Variants in RAB3IL1 observed in about 807,000 individuals in gnomAD.
The protein encoded by RAB3IL1 is RAB3A interacting protein like 1.
In RAB3IL1, 37 loss-of-function variants were observed where a neutral mutation model predicts 49.2. That is an observed-to-expected ratio of 0.75 (90% confidence interval 0.58 to 0.99). The LOEUF is 0.99. Ranked by LOEUF, RAB3IL1 falls within the 50% of genes least tolerant of loss-of-function variation. The pLI is 0.00. For missense variants in RAB3IL1, 484 were observed against 513.0 expected (o/e 0.94, Z 0.55); for synonymous variants, 193 against 213.9 (o/e 0.90, Z 0.85).
chr11:61,941,669 G>A, the RAB3IL1 span, among the ~76,000 whole-genome samples: 7 of 151,862 alleles, frequency 4.6e-5, no homozygotes, highest in South Asian at 2.1e-4. Flanking sequence ...GGAGAATGGC[G>A]TGAACCCAGG....
the RAB3IL1 span, among the ~76,000 whole-genome samples, chr11:61,945,175 A>G: frequency 1.3e-5 from 2 of 152,082 alleles, no homozygotes; most frequent in Admixed American, 1.3e-4. Context: ...CATCTAGCCT[A>G]CCCTTGTGCC....
chr11:61,916,581 C>T (rs1262081862), intron 1 of RAB3IL1, among the ~76,000 whole-genome samples: 2 of 152,336 alleles, frequency 1.3e-5, no homozygotes, highest in East Asian at 3.9e-4. Flanking sequence ...CCAGGGGGCA[C>T]AGGAGTACAA....
upstream of RAB3IL1, among the ~76,000 whole-genome samples, chr11:61,921,150 C>T (rs1193207764): frequency 6.6e-6 from 1 of 152,106 alleles, no homozygotes; most frequent in Non-Finnish European, 1.5e-5. Flanking sequence ...AGGCATGTGT[C>T]ACCATGCTTG....
Position 61,898,538 on chromosome 11 carries a change from C to G in RAB3IL1, c.1067-178G>C, listed in dbSNP as rs890484417. Among the ~76,000 whole-genome samples the G allele has an allele frequency of 6.6e-6, 1 of 152,184 alleles. No individual in the cohort carries two copies. The highest frequency in any genetic ancestry group is 2.4e-5 in the African/African-American group (1 of 41,440). ...ACCTCTCTGAGGCTCCACTCTTGAG[C>G]CTTGGAAACTGCTGAGTGCCGACCA... On this transcript the variant is annotated intron_variant, in intron 9 of 9. Coordinates refer to ENST00000394836, the MANE Select transcript of RAB3IL1 (RefSeq NM_013401.4). The surrounding 1 kb of genome is among the most constrained non-coding windows in gnomAD (Gnocchi z 5.1).
the RAB3IL1 span, among the ~76,000 whole-genome samples, chr11:61,936,576 A>G: frequency 2.1e-3 from 326 of 152,322 alleles, no homozygotes; most frequent in Middle Eastern, 6.8e-3. Flanking sequence ...TCCTTACCTT[A>G]AGTGATCCAC....
chr11:61,934,420 A>ATGTGTGTG, the RAB3IL1 span, among the ~76,000 whole-genome samples: 2 of 61,828 alleles, frequency 3.2e-5, no homozygotes, highest in South Asian at 3.6e-4. Flanking sequence ...ATACATATAT[A>ATGTGTGTG]TGTGTATGTG....
At chr11:61,931,336 AACTC>A in the RAB3IL1 span, among the ~76,000 whole-genome samples, 1 of 152,222 alleles carries the variant, frequency 6.6e-6, no homozygotes, top group Admixed American at 6.5e-5. Flanking sequence ...CCAAAGTGGC[AACTC>A]ACTCAGTCAC....
At chr11:61,932,708 G>C in the RAB3IL1 span, among the ~76,000 whole-genome samples, 31 of 150,550 alleles carry the variant, frequency 2.1e-4, no homozygotes, top group African/African-American at 7.3e-4. Context: ...AAGTCTTCTA[G>C]AACTTTTTTT....
At chr11:61,932,150 C>G in the RAB3IL1 span, among the ~76,000 whole-genome samples, 2 of 151,862 alleles carry the variant, frequency 1.3e-5, no homozygotes, top group Non-Finnish European at 2.9e-5. Flanking sequence ...ACTCGGGAGG[C>G]TGAGGCAGGA....
At chr11:61,917,239 G>A in intron 1 of RAB3IL1, 118 bp downstream of exon 1, 3 of 1,283,902 alleles carry the variant, frequency 2.3e-6, no homozygotes, top group Non-Finnish European at 3.0e-6. Flanking sequence ...GCAGGGCGGG[G>A]GCGCACAGCA....
At chr11:61,929,932 GC>G in the RAB3IL1 span, among the ~76,000 whole-genome samples, 3 of 94,472 alleles carry the variant, frequency 3.2e-5, no homozygotes, top group Non-Finnish European at 5.7e-5. Flanking sequence ...CTCCGTTGTT[GC>G]CCAGGCTGGT....
chr11:61,902,537 A>C lies in RAB3IL1; in HGVS notation c.904T>G (p.Cys302Gly). 1 of 1,597,026 alleles carries C rather than the reference A, an allele frequency of 6.3e-7. No homozygotes were observed. The highest frequency in any genetic ancestry group is 1.1e-5 in the South Asian group (1 of 87,394). The change falls in exon 8 of 10, where the codon TGT becomes GGT. Residue 302 changes from cysteine to glycine, a missense_variant. Physicochemically the swap from Cys to Gly is radical, Grantham distance 159. Transcript: ENST00000394836. ...AEVDCSSTNTCALSGLTRTCR... is the reference protein window; with the variant it reads ...AEVDCSSTNTGALSGLTRTCR... The stretch of plus-strand genomic sequence containing the variant: ...GTGCGGGTCAGCCCGCTCAGGGCAC[A>C]TGTGCTAGGGGAAAGCAAAATGGGT...
rs978647745 is a variant in RAB3IL1 at position 61,904,964 on chromosome 11, C to T, written c.658-82G>A. 59 of 1,064,610 alleles carry T rather than the reference C, an allele frequency of 5.5e-5. 1 individual carries two copies. The highest frequency in any genetic ancestry group is 1.5e-4 in the Admixed American group (6 of 41,054). 65.9% of individuals were successfully genotyped at this position (1,064,610 alleles called of 1,614,324 possible). A position where few individuals can be genotyped will look rare whatever the true frequency, so the allele number is the denominator to read the frequency against. ...AGATGCAGGCTGAGCTGAAGGGGAG[C>T]GAGGGAGGACGTGGGGCAGGCCCAG... On this transcript the variant is annotated intron_variant, in intron 5 of 9. Coordinates refer to ENST00000394836, the MANE Select transcript of RAB3IL1 (RefSeq NM_013401.4).
At chr11:61,927,423 G>A in the RAB3IL1 span, among the ~76,000 whole-genome samples, 2 of 152,158 alleles carry the variant, frequency 1.3e-5, no homozygotes, top group Non-Finnish European at 2.9e-5. Flanking sequence ...CAAGGATAGG[G>A]GAAGTGCAAA....
intron 1 of RAB3IL1, among the ~76,000 whole-genome samples, chr11:61,911,307 G>A (rs556963657): frequency 6.6e-6 from 1 of 152,330 alleles, no homozygotes; most frequent in African/African-American, 2.4e-5. Context: ...GCCAAAGGTG[G>A]CAGGAGCAGG....
intron 1 of RAB3IL1, among the ~76,000 whole-genome samples, chr11:61,911,445 C>T (rs1336444244): frequency 2.0e-5 from 3 of 152,184 alleles, no homozygotes; most frequent in South Asian, 2.1e-4. Flanking sequence ...CTGGGCTCCT[C>T]GGGTCCAGCC....
intron 1 of RAB3IL1, among the ~76,000 whole-genome samples, chr11:61,909,312 G>A (rs1939357955): frequency 6.6e-6 from 1 of 152,058 alleles, no homozygotes; most frequent in Admixed American, 6.5e-5. Context: ...GGACGGCTGA[G>A]GCAGAGGGAG....
the RAB3IL1 span, among the ~76,000 whole-genome samples, chr11:61,929,463 C>T: frequency 4.0e-5 from 6 of 151,820 alleles, no homozygotes; most frequent in Non-Finnish European, 8.8e-5. Context: ...GCCGAGATCG[C>T]ACCACTACAC....
the RAB3IL1 span, among the ~76,000 whole-genome samples, chr11:61,936,861 GA>G: frequency 2.6e-5 from 4 of 151,484 alleles, no homozygotes; most frequent in Non-Finnish European, 5.9e-5. Flanking sequence ...CTATCCTTCA[GA>G]AAAAAAAGGA....
Sources: allele counts gnomAD v4.1 joint callset (sites outside exome capture counted in the v4.1 genomes callset), GRCh38; gene constraint gnomAD v4.1.1; non-coding constraint Gnocchi (gnomAD v3.1); transcripts MANE v1.5; gene names NCBI Gene and HGNC (gene_info 2026-07-23, HGNC 2026-07-21).